Variants in BIRC5 observed in about 807,000 individuals in gnomAD.
BIRC5 encodes baculoviral IAP repeat containing 5, also known as baculoviral IAP repeat-containing protein 5.
Under a neutral mutation model 15.8 loss-of-function variants are expected in BIRC5, and 8 were observed. The ratio of observed to expected loss-of-function variants is 0.51; its 90% CI spans 0.30 to 0.91. BIRC5 has a LOEUF of 0.91. BIRC5 is among the 40% of genes least tolerant of loss of function. The pLI, the probability that BIRC5 is intolerant of heterozygous loss-of-function variation, is 0.07. For synonymous variants in BIRC5, 56 were observed against 64.5 expected, an observed-to-expected ratio of 0.87 and a Z score of 0.63; for missense variants, 163 against 178.6, an observed-to-expected ratio of 0.91 and a Z score of 0.50.
intron 3 of BIRC5, among the ~76,000 whole-genome samples, chr17:78,217,955 C>CTAAT (rs1348503689): frequency 9.2e-4 from 139 of 150,782 alleles, no homozygotes; most frequent in African/African-American, 3.3e-3. Flanking sequence ...CCATGCCCAC[C>CTAAT]TTATTTATTT....
intron 3 of BIRC5, 87 bp downstream of exon 3, chr17:78,216,868 T>C (rs2052230578): frequency 1.0e-5 from 11 of 1,053,470 alleles, no homozygotes; most frequent in Non-Finnish European, 1.4e-5. Context: ...CTCTGTGTTT[T>C]CCTCAGGAAG....
Position 78,214,362 on chromosome 17 carries a change from G to C in BIRC5, c.46G>C (p.Asp16His), listed in dbSNP as rs1399071354. 1 of 1,608,360 alleles carries C rather than the reference G, an allele frequency of 6.2e-7. No individual in the cohort carries two copies. The highest frequency in any genetic ancestry group is 8.5e-7 in the Non-Finnish European group (1 of 1,177,798). ...LPPAWQPFLKDHRISTFKNWP... is the reference protein window; with the variant it reads ...LPPAWQPFLKHHRISTFKNWP... ...CCCTGCCTGGCAGCCCTTTCTCAAG[G>C]ACCACCGCATCTCTACATTCAAGAA... The change falls in exon 1 of 4, where the codon GAC (aspartate) becomes CAC (histidine). Residue 16 changes from aspartate (D) to histidine (H), a missense_variant. By Grantham distance (81) the Asp-to-His change is moderately conservative (BLOSUM62 -1). Coordinates refer to ENST00000350051, the MANE Select transcript of BIRC5 (RefSeq NM_001168.3).
intron 2 of BIRC5, chr17:78,215,175 C>T (rs756588940): frequency 3.5e-5 from 6 of 170,402 alleles, no homozygotes; most frequent in Non-Finnish European, 5.1e-5. Context: ...TTCACACTTT[C>T]GGAGGCTGAG....
At chr17:78,214,835 G>C in intron 2 of BIRC5, 46 bp downstream of exon 2, 1 of 1,529,702 alleles carries the variant, frequency 6.5e-7, no homozygotes, top group South Asian at 1.2e-5. Flanking sequence ...TTTGAACTGA[G>C]TTGTCAAAAG....
chr17:78,218,266 CTTTATTTA>C (rs144831740), intron 3 of BIRC5, among the ~76,000 whole-genome samples: 51 of 150,464 alleles, frequency 3.4e-4, no homozygotes, highest in Admixed American at 1.2e-3. Context: ...TGTAACTGGG[CTTTATTTA>C]TTTATTTATT....
chr17:78,220,310 C>G (rs1381141316), intron 3 of BIRC5, among the ~76,000 whole-genome samples: 1 of 152,120 alleles, frequency 6.6e-6, no homozygotes, highest in African/African-American at 2.4e-5. Flanking sequence ...CGCCTGTAGT[C>G]CCAGCTACTC....
intron 3 of BIRC5, among the ~76,000 whole-genome samples, chr17:78,218,902 A>C (rs4789554): frequency 0.41 from 62,345 of 151,810 alleles, 12,989 homozygotes; most frequent in African/African-American, 0.49. Flanking sequence ...CTACTGCACC[A>C]GGCCTGGGCG....
At chr17:78,217,536 G>T (rs528295449) in intron 3 of BIRC5, among the ~76,000 whole-genome samples, 6 of 151,082 alleles carry the variant, frequency 4.0e-5, no homozygotes, top group Non-Finnish European at 7.4e-5. Context: ...TTGCTCTGTC[G>T]CCCAGGCTAG....
At position 78,223,724 on chromosome 17, in the gene BIRC5, C is replaced by A; in HGVS notation, c.*170C>A. On this transcript the variant is annotated 3_prime_UTR_variant, in exon 4 of 4. Transcript: ENST00000350051. Reference sequence around the variant, plus strand: ...CTCTTGTTTTGTCTTGAAAGTGGCACCAGAGGTGCTTCTGCCTGTGCAGCG... The same window carrying A: ...CTCTTGTTTTGTCTTGAAAGTGGCAACAGAGGTGCTTCTGCCTGTGCAGCG... 1 of 1,387,842 alleles carries A rather than the reference C, an allele frequency of 7.2e-7. No homozygotes were observed. The highest frequency in any genetic ancestry group is 9.5e-7 in the Non-Finnish European group (1 of 1,056,098). The allele number at this position is 1,387,842 out of a possible 1,614,324, so 86.0% of individuals were successfully genotyped here.
At chr17:78,222,642 G>C (rs972421352) in intron 3 of BIRC5, among the ~76,000 whole-genome samples, 1 of 152,214 alleles carries the variant, frequency 6.6e-6, no homozygotes, top group African/African-American at 2.4e-5. Flanking sequence ...ACCAGCCAAG[G>C]CAACAAGAGC....
At chr17:78,218,899 A>T (rs2661689) in intron 3 of BIRC5, among the ~76,000 whole-genome samples, 1 of 151,708 alleles carries the variant, frequency 6.6e-6, no homozygotes, top group Non-Finnish European at 1.5e-5. Flanking sequence ...GATCTACTGC[A>T]CCAGGCCTGG....
intron 3 of BIRC5, chr17:78,222,733 G>GTT: frequency 7.6e-6 from 11 of 1,450,676 alleles, no homozygotes; most frequent in Non-Finnish European, 1.0e-5. Flanking sequence ...AAAGGTCTTT[G>GTT]TTTTTTAATG....
At chr17:78,217,021 A>C (rs901485845) in intron 3 of BIRC5, among the ~76,000 whole-genome samples, 3 of 149,796 alleles carry the variant, frequency 2.0e-5, no homozygotes, top group African/African-American at 7.4e-5. Context: ...CTGGGATTAC[A>C]GGGAAGTGCC....
chr17:78,214,878 G>T, intron 2 of BIRC5, 89 bp downstream of exon 2: 1 of 1,255,460 alleles, frequency 8.0e-7, no homozygotes. Context: ...GTATGGGAGG[G>T]TTGCTTTCCA....
At position 78,216,753 on chromosome 17, in the gene BIRC5, T is replaced by A; in HGVS notation, c.311T>A (p.Leu104Gln). The change falls in exon 3 of 4, where the codon CTG (leucine) becomes CAG (glutamine). Residue 104 changes from leucine to glutamine, a missense_variant. Coordinates refer to ENST00000350051, the MANE Select transcript of BIRC5 (RefSeq NM_001168.3). Reference protein sequence around the residue: ...EELTLGEFLKLDRERAKNKIA... With the variant: ...EELTLGEFLKQDRERAKNKIA... ...TTAACCCTTGGTGAATTTTTGAAAC[T>A]GGACAGAGAAAGAGCCAAGAACAAA... 6.2e-7 allele frequency: 1 copy of A among 1,613,992 alleles called. No homozygotes were observed. Among genetic ancestry groups the A allele is most frequent in the Non-Finnish European group, 8.5e-7 (1 of 1,179,938 alleles).
intron 3 of BIRC5, chr17:78,222,876 A>G: frequency 4.6e-6 from 7 of 1,536,082 alleles, no homozygotes; most frequent in Non-Finnish European, 6.1e-6. Context: ...AGATTCAGGG[A>G]GGGACTGGAA....
chr17:78,215,128 C>T (rs538692550), intron 2 of BIRC5: 1 of 225,076 alleles, frequency 4.4e-6, no homozygotes, highest in South Asian at 4.8e-5. Context: ...GAAATATAAC[C>T]TACACAGCAC....
intron 3 of BIRC5, among the ~76,000 whole-genome samples, chr17:78,221,636 G>A (rs2076516391): frequency 6.6e-6 from 1 of 152,130 alleles, no homozygotes; most frequent in Admixed American, 6.6e-5. Flanking sequence ...CACCCGGCCT[G>A]TTTTGTCTTT....
chr17:78,214,253 G>T lies in BIRC5; in HGVS notation c.-64G>T. On this transcript the variant is annotated 5_prime_UTR_variant, in exon 1 of 4. Transcript: ENST00000350051. ...AGGGCGTGCGCTCCCGACATGCCCC[G>T]CGGCGCGCCATTAACCGCCAGATTT... The T allele has an allele frequency of 6.9e-7, 1 of 1,453,082 alleles. No homozygotes were observed. 90.0% of individuals were successfully genotyped at this position (1,453,082 alleles called of 1,614,324 possible).
Sources: gnomAD v4.1 joint callset for allele counts (sites outside exome capture counted in the v4.1 genomes callset) on GRCh38, gnomAD v4.1.1 for gene constraint, MANE v1.5 for transcripts, NCBI Gene and HGNC (gene_info 2026-07-23, HGNC 2026-07-21) for gene names.